The following NBEA variants were observed in gnomAD, a reference collection of about 807,000 sequenced individuals.
NBEA encodes the protein neurobeachin.
Under a neutral mutation model 343.4 loss-of-function variants are expected in NBEA, and 44 were observed. That is an observed-to-expected ratio of 0.13 (90% CI 0.10 to 0.16). The LOEUF (loss-of-function observed/expected upper bound fraction) is 0.16. Ranked by LOEUF, NBEA falls within the 10% of genes least tolerant of loss-of-function variation. The pLI, the probability that NBEA is intolerant of heterozygous loss-of-function variation, is 1.00. For missense variants in NBEA, 2,555 were observed against 3,631.3 expected, an observed-to-expected ratio of 0.70 and a Z score of 7.62; for synonymous variants, 1,175 against 1,238.7, an observed-to-expected ratio of 0.95 and a Z score of 1.08.
chr13:34,962,327 A>G (rs1257747197), intron 1 of NBEA, among the ~76,000 whole-genome samples: 1 of 151,996 alleles, frequency 6.6e-6, no homozygotes. Context: ...ATATTGTTCA[A>G]GTCATTCATA....
chr13:35,156,011 A>G lies in NBEA; in HGVS notation c.2528-72A>G, dbSNP rs372077676. The G allele has an allele frequency of 1.5e-5, 23 of 1,490,212 alleles. No individual in the cohort carries two copies. The East Asian group carries it at 3.2e-4, about 21-fold the overall frequency. The allele number at this position is 1,490,212 out of a possible 1,614,324, so 92.3% of individuals were successfully genotyped here. On this transcript the variant is annotated intron_variant, in intron 19 of 58. Transcript: ENST00000379939. ...TTATAGTGTTAAGTATTTATTTGAA[A>G]GTTGGTAATACTTTTTGAGTTGAAC...
intron 41 of NBEA, among the ~76,000 whole-genome samples, chr13:35,535,236 A>C (rs1385975497): frequency 6.6e-6 from 1 of 152,236 alleles, no homozygotes; most frequent in African/African-American, 2.4e-5. Context: ...CGGCAGAAGC[A>C]AAAACACCAT....
intron 1 of NBEA, among the ~76,000 whole-genome samples, chr13:35,005,209 A>G (rs1432174301): frequency 2.1e-5 from 3 of 141,280 alleles, no homozygotes; most frequent in African/African-American, 7.5e-5. Flanking sequence ...CGTTTGGCAC[A>G]GGGCAGATTT....
intron 46 of NBEA, among the ~76,000 whole-genome samples, chr13:35,591,906 G>T (rs181485306): frequency 6.6e-6 from 1 of 152,030 alleles, no homozygotes; most frequent in Non-Finnish European, 1.5e-5. Flanking sequence ...TTGAACCTGG[G>T]AATGACATGT....
At chr13:35,511,350 T>C (rs2152986697) in intron 41 of NBEA, among the ~76,000 whole-genome samples, 1 of 152,300 alleles carries the variant, frequency 6.6e-6, no homozygotes, top group South Asian at 2.1e-4. Context: ...ATGTATTTAT[T>C]GGTGATTATC....
chr13:35,649,275 A>T (rs1736485331), intron 51 of NBEA, among the ~76,000 whole-genome samples: 1 of 152,234 alleles, frequency 6.6e-6, no homozygotes, highest in Admixed American at 6.5e-5. Flanking sequence ...AAAAAATGGG[A>T]GTCACTAATT....
intron 33 of NBEA, among the ~76,000 whole-genome samples, chr13:35,216,164 G>T (rs1479071638): frequency 2.7e-5 from 4 of 150,712 alleles, no homozygotes; most frequent in Non-Finnish European, 5.9e-5. Flanking sequence ...TTTTTAGAGT[G>T]TTTTTTTTCT....
chr13:35,163,302 T>C (rs1008892972), intron 23 of NBEA, among the ~76,000 whole-genome samples: 3 of 152,166 alleles, frequency 2.0e-5, no homozygotes. Context: ...TGAGAATTAT[T>C]GACTCAATTT....
chr13:35,548,240 G>A (rs2079153756), intron 41 of NBEA, among the ~76,000 whole-genome samples: 1 of 152,178 alleles, frequency 6.6e-6, no homozygotes, highest in Non-Finnish European at 1.5e-5. Context: ...GGCCATAAAT[G>A]AATAATTGGC....
rs760866538 is a variant in NBEA at position 35,099,198 on chromosome 13, G to GTT, written c.1680+810_1680+811dup. On this transcript the variant is annotated intron_variant, in intron 11 of 58. Transcript: ENST00000379939. ...GCGCGCACCACCATGCCTGGCTAAA[G>GTT]TTTTTTTTTTTTTTTTTTGAGATGG... 3.7e-3 allele frequency among the ~76,000 whole-genome samples: 419 copies of GTT among 113,828 alleles called. 8 individuals are homozygous for GTT. Among genetic ancestry groups the GTT allele is most frequent in the Middle Eastern group, 5.7e-3 (1 of 176 alleles). The allele number at this position is 113,828 out of a possible 152,430, so 74.7% of individuals were successfully genotyped here.
chr13:35,271,870 C>G (rs1377882304), intron 34 of NBEA, among the ~76,000 whole-genome samples: 2 of 152,184 alleles, frequency 1.3e-5, no homozygotes, highest in Non-Finnish European at 2.9e-5. Flanking sequence ...AAGACCAACT[C>G]TACGCTTGAT....
chr13:34,952,709 A>G (rs961867604), intron 1 of NBEA, among the ~76,000 whole-genome samples: 3 of 152,200 alleles, frequency 2.0e-5, no homozygotes, highest in Non-Finnish European at 2.9e-5. Context: ...AACATTGGTT[A>G]ATAGCAAATT....
intron 38 of NBEA, among the ~76,000 whole-genome samples, chr13:35,370,021 C>G (rs1473063089): frequency 6.6e-6 from 1 of 151,876 alleles, no homozygotes; most frequent in Non-Finnish European, 1.5e-5. Flanking sequence ...ATGAAATATT[C>G]TATAAATGTC....
At chr13:35,507,253 C>T (rs1790161074) in intron 41 of NBEA, among the ~76,000 whole-genome samples, 1 of 152,122 alleles carries the variant, frequency 6.6e-6, no homozygotes, top group Admixed American at 6.6e-5. Context: ...TGCCAAAATT[C>T]TCTCCTTTTC....
chr13:35,147,655 C>G (rs73502416), intron 18 of NBEA, among the ~76,000 whole-genome samples: 2,405 of 152,190 alleles, frequency 0.016, 66 homozygotes, highest in African/African-American at 0.049. Flanking sequence ...CAGACTGTGT[C>G]TGGGTCAGGA....
At chr13:35,124,644 A>G (rs987652788) in intron 17 of NBEA, among the ~76,000 whole-genome samples, 8 of 142,704 alleles carry the variant, frequency 5.6e-5, no homozygotes, top group African/African-American at 1.9e-4. Flanking sequence ...ACACACATAT[A>G]TGGATATACA....
intron 30 of NBEA, among the ~76,000 whole-genome samples, chr13:35,194,007 CA>C (rs1016149481): frequency 4.6e-4 from 70 of 151,472 alleles, no homozygotes; most frequent in African/African-American, 1.6e-3. Context: ...TAATTTGACT[CA>C]AAAGAAAAGG....
At chr13:35,478,539 G>A (rs1022883834) in intron 41 of NBEA, among the ~76,000 whole-genome samples, 2 of 152,230 alleles carry the variant, frequency 1.3e-5, no homozygotes, top group African/African-American at 2.4e-5. Context: ...TCGCTGCTCC[G>A]CATTCCCGTG....
Position 35,159,549 on chromosome 13 carries a change from T to C in NBEA, c.3378T>C (p.Asn1126=). ...GIIKKNEEKD[N]GPLITLADEK... ...TTAAAAAAAATGAAGAAAAGGATAA[T>C]GGTCCATTGATAACATTAGCAGATG... is the stretch of plus-strand genomic sequence containing the variant. The change falls in exon 22 of 59, where the codon AAT becomes AAC. Residue 1126 remains asparagine, a synonymous_variant. Coordinates refer to ENST00000379939, the MANE Select transcript of NBEA (RefSeq NM_001385012.1). The C allele has an allele frequency of 6.2e-7, 1 of 1,612,504 alleles. No individual in the cohort carries two copies. The highest frequency in any genetic ancestry group is 8.5e-7 in the Non-Finnish European group (1 of 1,179,464).
Sources: allele counts gnomAD v4.1 joint callset (sites outside exome capture counted in the v4.1 genomes callset), GRCh38; gene constraint gnomAD v4.1.1; transcripts MANE v1.5; gene names NCBI Gene and HGNC (gene_info 2026-07-23, HGNC 2026-07-21).